Variants in SORBS2 observed in about 807,000 individuals in gnomAD.
SORBS2 encodes the protein sorbin and SH3 domain-containing protein 2.
SORBS2 carries 46 observed loss-of-function variants against 97.7 expected under a neutral mutation model. The ratio of observed to expected loss-of-function variants is 0.47; its 90% CI spans 0.37 to 0.60. The LOEUF is 0.60. SORBS2 is among the 20% of genes least tolerant of loss of function. The probability of loss-of-function intolerance (pLI) is 0.00; values close to 1 mark genes in which losing one functional copy is unlikely to be tolerated. For synonymous variants in SORBS2, 476 were observed against 473.4 expected (o/e 1.01, Z -0.07); for missense variants, 1,316 against 1,282.3 (o/e 1.03, Z -0.40).
intron 1 of SORBS2, among the ~76,000 whole-genome samples, chr4:185,875,237 G>A (rs553055323): frequency 5.8e-4 from 89 of 152,260 alleles, no homozygotes; most frequent in Non-Finnish European, 1.1e-3. Flanking sequence ...ATTGCAAACA[G>A]AGTACATTTT....
intron 1 of SORBS2, among the ~76,000 whole-genome samples, chr4:185,893,583 TAGAC>T (rs1293270397): frequency 6.6e-6 from 1 of 152,114 alleles, no homozygotes; most frequent in East Asian, 1.9e-4. Flanking sequence ...AAACTGACAA[TAGAC>T]AGGTTAACAG....
In SORBS2 at chr4:185,684,496, A is replaced by G. The variant is rs1187323920; in HGVS notation, c.-197-5674T>C. ...ACCCCAAAAGTTTTTAGGTTAAAAA[A>G]AAAAACCCCAAAACCTCTGAGTTAT... On this transcript the variant is annotated intron_variant, in intron 2 of 20. Transcript: ENST00000284776. The surrounding 1 kb of genome is among the most constrained non-coding windows in gnomAD (Gnocchi z 4.2). Among the ~76,000 whole-genome samples the G allele has an allele frequency of 6.6e-6, 1 of 152,092 alleles. No individual in the cohort carries two copies. Among genetic ancestry groups the G allele is most frequent in the Non-Finnish European group, 1.5e-5 (1 of 68,016 alleles).
chr4:185,752,371 G>T (rs1005343694), intron 2 of SORBS2, among the ~76,000 whole-genome samples: 4 of 152,134 alleles, frequency 2.6e-5, no homozygotes, highest in Non-Finnish European at 5.9e-5. Flanking sequence ...CGCCTCCCGG[G>T]TTCGCGCCAT....
chr4:185,745,211 G>A (rs2098752690), intron 2 of SORBS2, among the ~76,000 whole-genome samples: 1 of 152,168 alleles, frequency 6.6e-6, no homozygotes, highest in Non-Finnish European at 1.5e-5. Flanking sequence ...AGATGCCCGA[G>A]CAGGTGCTGT....
At chr4:185,811,472 G>A (rs1561183266) in intron 1 of SORBS2, among the ~76,000 whole-genome samples, 192 bp downstream of exon 1, 1 of 152,126 alleles carries the variant, frequency 6.6e-6, no homozygotes, top group Non-Finnish European at 1.5e-5. Context: ...CCAATTGCTA[G>A]AACCAAAATT....
chr4:185,794,334 G>T (rs1423710553), intron 1 of SORBS2, among the ~76,000 whole-genome samples: 1 of 152,178 alleles, frequency 6.6e-6, no homozygotes, highest in East Asian at 1.9e-4. Context: ...TCTGAGCCAT[G>T]GGCGCTTGGT....
chr4:185,746,608 G>A (rs779743071), intron 2 of SORBS2, among the ~76,000 whole-genome samples: 3 of 152,174 alleles, frequency 2.0e-5, no homozygotes, highest in Non-Finnish European at 2.9e-5. Flanking sequence ...GTGGGCCACC[G>A]CGCCCGGCCT....
intron 1 of SORBS2, among the ~76,000 whole-genome samples, chr4:185,954,852 G>T (rs188218897): frequency 1.4e-3 from 209 of 152,204 alleles, no homozygotes; most frequent in Non-Finnish European, 2.3e-3. Flanking sequence ...CAGCTACTCA[G>T]GAGGCTGAGG....
chr4:185,947,290 G>T (rs571765560), intron 1 of SORBS2, among the ~76,000 whole-genome samples: 17 of 152,190 alleles, frequency 1.1e-4, no homozygotes, highest in Non-Finnish European at 2.5e-4. Context: ...TCCTCAATGA[G>T]TTTAGCAGGG....
At chr4:185,694,400 A>G (rs2098140926) in intron 2 of SORBS2, among the ~76,000 whole-genome samples, 1 of 152,236 alleles carries the variant, frequency 6.6e-6, no homozygotes, top group South Asian at 2.1e-4. Context: ...GAGCCTTAGC[A>G]GACAATCCAC....
intron 1 of SORBS2, among the ~76,000 whole-genome samples, chr4:185,935,370 CCA>C (rs2099268431): frequency 6.6e-6 from 1 of 152,160 alleles, no homozygotes; most frequent in Non-Finnish European, 1.5e-5. Flanking sequence ...CAAAACTAAG[CCA>C]TGGGAGATAA....
intron 1 of SORBS2, among the ~76,000 whole-genome samples, chr4:185,882,428 AAATT>A (rs780588639): frequency 6.6e-6 from 1 of 152,212 alleles, no homozygotes; most frequent in Non-Finnish European, 1.5e-5. Flanking sequence ...CTGATAAAAG[AAATT>A]AAATAAGATC....
chr4:185,635,400 C>T (rs1554097967), intron 4 of SORBS2: 1 of 1,613,636 alleles, frequency 6.2e-7, no homozygotes, highest in South Asian at 1.1e-5. Flanking sequence ...AGTCCAGAGG[C>T]TTTTTAGGAG....
intron 1 of SORBS2, among the ~76,000 whole-genome samples, chr4:185,865,275 GC>G (rs749828156): frequency 1.3e-5 from 2 of 152,150 alleles, no homozygotes; most frequent in Non-Finnish European, 2.9e-5. Context: ...GCGCACCGCG[GC>G]CCCCTGCACA....
At chr4:185,872,141 G>A (rs1351421595) in intron 1 of SORBS2, among the ~76,000 whole-genome samples, 1 of 152,118 alleles carries the variant, frequency 6.6e-6, no homozygotes, top group Non-Finnish European at 1.5e-5. Context: ...ATGTTCTGAA[G>A]GCACCCTTAA....
intron 2 of SORBS2, among the ~76,000 whole-genome samples, chr4:185,759,004 A>G (rs1208999337): frequency 6.6e-6 from 1 of 152,176 alleles, no homozygotes; most frequent in Non-Finnish European, 1.5e-5. Context: ...TGTTCTGCCC[A>G]TGGGAATTTA....
chr4:185,611,755 T>G, intron 12 of SORBS2, 25 bp downstream of exon 24: 3 of 1,583,258 alleles, frequency 1.9e-6, no homozygotes, highest in Non-Finnish European at 2.6e-6. Flanking sequence ...CAATATTACA[T>G]TAACATGATA....
intron 2 of SORBS2, among the ~76,000 whole-genome samples, chr4:185,691,894 G>A (rs1034291851): frequency 2.6e-5 from 4 of 152,072 alleles, no homozygotes; most frequent in Non-Finnish European, 5.9e-5. Flanking sequence ...ACAGGCACCC[G>A]CCACCACGCT....
chr4:185,687,255 TG>T (rs2153513721), intron 2 of SORBS2, among the ~76,000 whole-genome samples: 1 of 152,238 alleles, frequency 6.6e-6, no homozygotes, highest in South Asian at 2.1e-4. Flanking sequence ...CTCCAACACC[TG>T]GGGTCAAGCG....
Sources: allele counts gnomAD v4.1 joint callset (sites outside exome capture counted in the v4.1 genomes callset), GRCh38; gene constraint gnomAD v4.1.1; non-coding constraint Gnocchi (gnomAD v3.1); transcripts MANE v1.5; gene names NCBI Gene and HGNC (gene_info 2026-07-23, HGNC 2026-07-21).